KCND3: variants seen among roughly 807,000 people sequenced by gnomAD.
KCND3 encodes A-type voltage-gated potassium channel KCND3.
A neutral mutation model predicts 51.1 loss-of-function variants in KCND3; 9 were observed. The observed-to-expected ratio is 0.18, with a 90% CI of 0.11 to 0.31. The LOEUF is 0.31. Among genes scored for constraint, KCND3 ranks in the 10% least tolerant of loss-of-function variants. The pLI is 1.00. For synonymous variants in KCND3, 349 were observed against 368.0 expected (o/e 0.95, Z 0.59); for missense variants, 526 against 903.8 (o/e 0.58, Z 5.36).
rs200106311 is a variant in KCND3, at chr1:111,982,762, C to G, written c.-36G>C. On this transcript the variant is annotated 5_prime_UTR_variant, in exon 2 of 8. Transcript: ENST00000302127. The surrounding 1 kb of genome is among the most constrained non-coding windows in gnomAD (Gnocchi z 8.5). ...GCTCTTGGGCCGGCAGCCGCGCGGACGCTAGGCACACCAGCTTGGAGTTAG... is the reference window on the plus strand; with the variant it reads ...GCTCTTGGGCCGGCAGCCGCGCGGAGGCTAGGCACACCAGCTTGGAGTTAG... 54 of 1,579,684 alleles carry G rather than the reference C, an allele frequency of 3.4e-5. No individual in the cohort carries two copies. The East Asian group carries it at 1.2e-3, about 36-fold the overall frequency.
intron 2 of KCND3, among the ~76,000 whole-genome samples, chr1:111,924,793 G>A (rs2101846039): frequency 6.6e-6 from 1 of 152,354 alleles, no homozygotes; most frequent in African/African-American, 2.4e-5. Context: ...TTTCCCTGGA[G>A]AGGAAAACAT....
intron 2 of KCND3, among the ~76,000 whole-genome samples, chr1:111,862,922 G>C (rs973344171): frequency 6.6e-6 from 1 of 152,216 alleles, no homozygotes; most frequent in South Asian, 2.1e-4. Context: ...AGGACACTTT[G>C]TCCCTACCAG....
chr1:111,779,657 C>A (rs1174563585), intron 5 of KCND3, among the ~76,000 whole-genome samples: 4 of 126,020 alleles, frequency 3.2e-5, no homozygotes, highest in Non-Finnish European at 4.8e-5. Context: ...AACAATCAGC[C>A]TGTTAGCATC....
At chr1:111,906,972 C>T (rs1162376370) in intron 2 of KCND3, among the ~76,000 whole-genome samples, 1 of 152,244 alleles carries the variant, frequency 6.6e-6, no homozygotes, top group African/African-American at 2.4e-5. Flanking sequence ...AAAACACCCA[C>T]TCCCCTCTTC....
chr1:111,958,503 G>A (rs1445447690), intron 2 of KCND3, among the ~76,000 whole-genome samples: 1 of 152,194 alleles, frequency 6.6e-6, no homozygotes, highest in Non-Finnish European at 1.5e-5. Context: ...GTGCTGCTAG[G>A]GAACTAGGGA....
At chr1:111,792,738 A>G (rs1406916996) in intron 2 of KCND3, among the ~76,000 whole-genome samples, 2 of 152,054 alleles carry the variant, frequency 1.3e-5, no homozygotes, top group Non-Finnish European at 2.9e-5. Flanking sequence ...ACTTTTTGTG[A>G]AAGCTCAACC....
chr1:111,812,854 C>T lies in KCND3; in HGVS notation c.1107-25748G>A, dbSNP rs376660932. Among the ~76,000 whole-genome samples, 17 of 152,312 alleles carry T rather than the reference C, an allele frequency of 1.1e-4. 1 individual carries two copies. In the East Asian group the frequency reaches 1.5e-3, roughly 14 times the overall value. ...TCCCTGCTGCACACACTACTGCTGT[C>T]CCATCCCTCGGATTTCTCTTGCTTG... On this transcript the variant is annotated intron_variant, in intron 2 of 7. Transcript: ENST00000302127.
chr1:111,916,846 C>G (rs1671240737), intron 2 of KCND3, among the ~76,000 whole-genome samples: 1 of 152,140 alleles, frequency 6.6e-6, no homozygotes. Context: ...CCAACACTCA[C>G]TCAAGAAGAA....
intron 2 of KCND3, among the ~76,000 whole-genome samples, chr1:111,864,846 T>C (rs1379959421): frequency 6.6e-6 from 1 of 152,146 alleles, no homozygotes; most frequent in Non-Finnish European, 1.5e-5. Context: ...TGTGCATGTT[T>C]GTGTGTATAC....
At chr1:111,913,783 C>T (rs1001241228) in intron 2 of KCND3, among the ~76,000 whole-genome samples, 74 of 152,184 alleles carry the variant, frequency 4.9e-4, no homozygotes, top group African/African-American at 1.6e-3. Flanking sequence ...CTGATCCGAG[C>T]GACTCAGGAG....
intron 2 of KCND3, among the ~76,000 whole-genome samples, chr1:111,979,094 G>T (rs1289032251): frequency 6.6e-6 from 1 of 152,220 alleles, no homozygotes; most frequent in Non-Finnish European, 1.5e-5. Flanking sequence ...AATGCATGGG[G>T]AAGGTAAAAC....
chr1:111,907,749 T>C (rs1296866969), intron 2 of KCND3, among the ~76,000 whole-genome samples: 2 of 152,238 alleles, frequency 1.3e-5, no homozygotes, highest in African/African-American at 4.8e-5. Flanking sequence ...GCTGTGAGCA[T>C]AGCACCTAAT....
intron 2 of KCND3, among the ~76,000 whole-genome samples, chr1:111,862,354 A>G (rs897149558): frequency 6.6e-6 from 1 of 152,274 alleles, no homozygotes; most frequent in African/African-American, 2.4e-5. Flanking sequence ...CCATGTTTCA[A>G]TAGAACTTTA....
intron 2 of KCND3, among the ~76,000 whole-genome samples, chr1:111,824,545 T>C (rs1666491373): frequency 6.6e-6 from 1 of 152,200 alleles, no homozygotes; most frequent in Non-Finnish European, 1.5e-5. Context: ...GTTAAAGAGG[T>C]GTTGAAACCG....
At chr1:111,943,017 G>A (rs1161666127) in intron 2 of KCND3, among the ~76,000 whole-genome samples, 1 of 152,148 alleles carries the variant, frequency 6.6e-6, no homozygotes, top group African/African-American at 2.4e-5. Flanking sequence ...AAGACAGGAG[G>A]AGGCACTCAT....
intron 2 of KCND3, among the ~76,000 whole-genome samples, chr1:111,924,125 A>G (rs925790640): frequency 6.6e-6 from 1 of 152,212 alleles, no homozygotes; most frequent in South Asian, 2.1e-4. Flanking sequence ...CCCTCCAACT[A>G]TTCATTCATA....
intron 2 of KCND3, among the ~76,000 whole-genome samples, chr1:111,965,889 C>T (rs902540816): frequency 1.3e-5 from 2 of 152,216 alleles, no homozygotes; most frequent in South Asian, 2.1e-4. Flanking sequence ...TATATGTCCA[C>T]TGAGCCCCTC....
At chr1:111,881,701 T>C (rs1280334604) in intron 2 of KCND3, among the ~76,000 whole-genome samples, 1 of 152,172 alleles carries the variant, frequency 6.6e-6, no homozygotes, top group African/African-American at 2.4e-5. Flanking sequence ...TGCAGCTGTG[T>C]GGCTCTGAGC....
At chr1:111,910,879 A>T (rs545416840) in intron 2 of KCND3, 1 of 152,340 alleles carries the variant, frequency 6.6e-6, no homozygotes, top group African/African-American at 2.4e-5. Flanking sequence ...AGAGAATCCA[A>T]ATGAGTTTAT....
Sources: allele counts gnomAD v4.1 joint callset (sites outside exome capture counted in the v4.1 genomes callset), GRCh38; gene constraint gnomAD v4.1.1; non-coding constraint Gnocchi (gnomAD v3.1); transcripts MANE v1.5; gene names NCBI Gene and HGNC (gene_info 2026-07-23, HGNC 2026-07-21).